The following SYNPR variants were observed in gnomAD, a reference collection of about 807,000 sequenced individuals.
SYNPR encodes the protein synaptoporin.
SYNPR carries 23 observed loss-of-function variants against 32.9 expected under a neutral mutation model. That is an observed-to-expected ratio of 0.70 (90% CI 0.50 to 0.99). SYNPR has a LOEUF of 0.99. Among genes scored for constraint, SYNPR ranks in the 50% least tolerant of loss-of-function variants. The pLI is 0.00. For missense variants in SYNPR, 318 were observed against 349.3 expected (o/e 0.91, Z 0.71); for synonymous variants, 146 against 135.9 (o/e 1.07, Z -0.52).
At chr3:63,393,445 C>CCCTT (rs1276276745) in intron 2 of SYNPR, among the ~76,000 whole-genome samples, 1 of 149,280 alleles carries the variant, frequency 6.7e-6, no homozygotes, top group Non-Finnish European at 1.5e-5. Flanking sequence ...TTCTTGTTTT[C>CCCTT]CCTTCCTTCC....
chr3:63,355,725 C>G (rs547826288), intron 2 of SYNPR, among the ~76,000 whole-genome samples: 1 of 151,616 alleles, frequency 6.6e-6, no homozygotes, highest in East Asian at 1.9e-4. Context: ...CAGTGCTCAG[C>G]CCCCTTCTCT....
intron 2 of SYNPR, among the ~76,000 whole-genome samples, chr3:63,341,626 T>C (rs1575603772): frequency 6.6e-6 from 1 of 152,362 alleles, no homozygotes; most frequent in South Asian, 2.1e-4. Flanking sequence ...CATCTTTTCA[T>C]ATGCTTATTT....
chr3:63,560,804 G>C (rs528011321), intron 4 of SYNPR, among the ~76,000 whole-genome samples: 1 of 152,158 alleles, frequency 6.6e-6, no homozygotes, highest in South Asian at 2.1e-4. Flanking sequence ...GAACAGCAGG[G>C]GGGGAACCAC....
intron 2 of SYNPR, among the ~76,000 whole-genome samples, chr3:63,459,470 T>C (rs1700542495): frequency 1.3e-5 from 2 of 152,108 alleles, no homozygotes; most frequent in Admixed American, 1.3e-4. Context: ...GTGATTACGT[T>C]TCATCCTAAA....
At chr3:63,428,463 A>G (rs755827434) in intron 2 of SYNPR, among the ~76,000 whole-genome samples, 3 of 152,272 alleles carry the variant, frequency 2.0e-5, no homozygotes, top group African/African-American at 4.8e-5. Context: ...TTACAATATG[A>G]ATATGACTAG....
exon 3 of SYNPR, chr3:63,267,435 G>A (rs1477257725): frequency 6.6e-6 from 1 of 152,234 alleles, no homozygotes; most frequent in Non-Finnish European, 1.5e-5. Context: ...CTTTGCTGAA[G>A]TCAAAGAGGG....
intron 2 of SYNPR, among the ~76,000 whole-genome samples, chr3:63,264,034 A>G (rs2086460832): frequency 6.6e-6 from 1 of 152,200 alleles, no homozygotes; most frequent in Admixed American, 6.5e-5. Context: ...TAATTTACCC[A>G]AAGTCACACA....
chr3:63,373,541 T>A (rs1345083610), intron 2 of SYNPR, among the ~76,000 whole-genome samples: 3 of 152,014 alleles, frequency 2.0e-5, no homozygotes, highest in African/African-American at 7.2e-5. Context: ...AAAAAATAAT[T>A]TTAAAAAATG....
intron 3 of SYNPR, chr3:63,549,920 G>T (rs1702472650): frequency 6.6e-6 from 1 of 151,958 alleles, no homozygotes; most frequent in Admixed American, 6.6e-5. Flanking sequence ...CTCTTGATTG[G>T]GTCGGGCAAG....
intron 4 of SYNPR, among the ~76,000 whole-genome samples, chr3:63,578,271 G>A (rs1703027194): frequency 1.3e-5 from 2 of 152,084 alleles, no homozygotes; most frequent in South Asian, 2.1e-4. Flanking sequence ...TACTTACCTT[G>A]GGCCTCACTT....
At chr3:63,450,810 C>A (rs1051624598) in intron 2 of SYNPR, among the ~76,000 whole-genome samples, 1 of 152,276 alleles carries the variant, frequency 6.6e-6, no homozygotes, top group East Asian at 1.9e-4. Context: ...AGATGGGGCT[C>A]ACACTGTTTG....
At chr3:63,608,531 A>G (rs11710939) in intron 4 of SYNPR, among the ~76,000 whole-genome samples, 68,288 of 152,064 alleles carry the variant, frequency 0.45, 15,479 homozygotes, top group Middle Eastern at 0.54. Flanking sequence ...ATAGTTCCAC[A>G]TTGGTTAACA....
At chr3:63,477,845 A>C (rs935788) in intron 2 of SYNPR, among the ~76,000 whole-genome samples, 107,230 of 152,200 alleles carry the variant, frequency 0.7, 39,182 homozygotes, top group African/African-American at 0.91. Flanking sequence ...GTCAGCAGGG[A>C]AGTTACACCT....
At chr3:63,510,495 G>A (rs938826508) in intron 3 of SYNPR, among the ~76,000 whole-genome samples, 5 of 152,078 alleles carry the variant, frequency 3.3e-5, no homozygotes, top group Non-Finnish European at 7.4e-5. Context: ...AAATATGAAC[G>A]TGCCAGTTGT....
intron 2 of SYNPR, among the ~76,000 whole-genome samples, chr3:63,306,102 G>T (rs2086908339): frequency 6.6e-6 from 1 of 151,956 alleles, no homozygotes. Context: ...GATTCTCAAA[G>T]CACCTTTTCT....
At chr3:63,350,586 T>C (rs1428432854) in intron 2 of SYNPR, among the ~76,000 whole-genome samples, 1 of 152,214 alleles carries the variant, frequency 6.6e-6, no homozygotes, top group East Asian at 1.9e-4. Flanking sequence ...CACTGCACTA[T>C]TATGCAAAAC....
At chr3:63,201,945 A>G in the SYNPR span, among the ~76,000 whole-genome samples, 3 of 152,102 alleles carry the variant, frequency 2.0e-5, no homozygotes, top group African/African-American at 7.2e-5. Flanking sequence ...AGAGGTATGT[A>G]CTGGTTGAGA....
chr3:63,587,432 A>G (rs1184429746), intron 4 of SYNPR, among the ~76,000 whole-genome samples: 1 of 152,140 alleles, frequency 6.6e-6, no homozygotes, highest in African/African-American at 2.4e-5. Context: ...GATACCAACT[A>G]TTCCATGTCC....
chr3:63,408,958 C>G (rs1459383570), intron 2 of SYNPR, among the ~76,000 whole-genome samples: 1 of 152,110 alleles, frequency 6.6e-6, no homozygotes, highest in Non-Finnish European at 1.5e-5. Flanking sequence ...CATGGAGTCT[C>G]TCCTGTAACC....
Sources: allele counts gnomAD v4.1 joint callset (sites outside exome capture counted in the v4.1 genomes callset), GRCh38; gene constraint gnomAD v4.1.1; transcripts MANE v1.5; gene names NCBI Gene and HGNC (gene_info 2026-07-23, HGNC 2026-07-21).